The following MTMR7 variants were observed in gnomAD, a reference collection of about 807,000 sequenced individuals.
MTMR7 encodes phosphatidylinositol-3-phosphate phosphatase MTMR7.
In MTMR7, 76 loss-of-function variants were observed where a neutral mutation model predicts 81.2. That is an observed-to-expected ratio of 0.94 (90% CI 0.78 to 1.13). The LOEUF (loss-of-function observed/expected upper bound fraction) is 1.13, where lower values mean the gene tolerates loss of function less well. MTMR7 is among the 50% of genes most tolerant of loss of function. The probability of loss-of-function intolerance (pLI) is 0.00; values close to 1 mark genes in which losing one functional copy is unlikely to be tolerated. For missense variants in MTMR7, 1,044 were observed against 820.0 expected, an observed-to-expected ratio of 1.27 and a Z score of -3.34; for synonymous variants, 372 against 289.8, an observed-to-expected ratio of 1.28 and a Z score of -2.88.
intron 3 of MTMR7, 75 bp downstream of exon 3, chr8:17,370,962 C>A: frequency 1.4e-6 from 2 of 1,460,046 alleles, no homozygotes; most frequent in South Asian, 1.3e-5. Flanking sequence ...TCCTAAGCAC[C>A]ATACAAATTC....
At chr8:17,402,929 A>G (rs1228389833) in intron 1 of MTMR7, among the ~76,000 whole-genome samples, 2 of 152,180 alleles carry the variant, frequency 1.3e-5, no homozygotes, top group Non-Finnish European at 2.9e-5. Context: ...TCTTCTGGAT[A>G]AAAGCCATTT....
intron 7 of MTMR7, among the ~76,000 whole-genome samples, chr8:17,325,779 C>T (rs2150519304): frequency 6.6e-6 from 1 of 152,304 alleles, no homozygotes; most frequent in East Asian, 1.9e-4. Context: ...TGAAACTGTG[C>T]TCTTACTTCA....
chr8:17,409,938 A>T (rs530508358), intron 1 of MTMR7, among the ~76,000 whole-genome samples: 1 of 152,318 alleles, frequency 6.6e-6, no homozygotes, highest in East Asian at 1.9e-4. Flanking sequence ...TGTGGATAAG[A>T]AGATGATTGT....
chr8:17,407,210 CA>C (rs1821612975), intron 1 of MTMR7, among the ~76,000 whole-genome samples: 1 of 151,758 alleles, frequency 6.6e-6, no homozygotes, highest in South Asian at 2.1e-4. Flanking sequence ...ATAGATAATT[CA>C]AAAAGTAACA....
chr8:17,296,971 A>G lies in MTMR7; in HGVS notation c.*2891T>C, dbSNP rs539243954. 6.6e-6 allele frequency: 1 copy of G among 152,316 alleles called. No individual in the cohort carries two copies. The highest frequency in any genetic ancestry group is 1.9e-4 in the East Asian group (1 of 5,180). 9.4% of individuals were successfully genotyped at this position (152,316 alleles called of 1,614,324 possible). A position where few individuals can be genotyped will look rare whatever the true frequency, so the allele number is the denominator to read the frequency against. The stretch of plus-strand genomic sequence containing the variant: ...AAGGTTATGTATGTCACCCACGATG[A>G]AAAGAATCTGCATTTGAATATGCCC... On this transcript the variant is annotated 3_prime_UTR_variant, in exon 14 of 14. Coordinates refer to ENST00000180173, the MANE Select transcript of MTMR7 (RefSeq NM_004686.5).
chr8:17,341,272 C>T, intron 6 of MTMR7, 91 bp downstream of exon 6: 1 of 1,526,788 alleles, frequency 6.5e-7, no homozygotes, highest in Admixed American at 1.8e-5. Context: ...GATGAAGCAA[C>T]CTGCACAAGA....
intron 1 of MTMR7, among the ~76,000 whole-genome samples, chr8:17,408,500 A>T (rs938111576): frequency 6.6e-6 from 1 of 152,176 alleles, no homozygotes; most frequent in South Asian, 2.1e-4. Flanking sequence ...GATGAAGGAC[A>T]AACTTATCAA....
Position 17,297,493 on chromosome 8 carries a change from A to C in MTMR7, c.*2369T>G. 6.6e-6 allele frequency: 1 copy of C among 152,084 alleles called. No homozygotes were observed. Among genetic ancestry groups the C allele is most frequent in the Non-Finnish European group, 1.5e-5 (1 of 67,944 alleles). The allele number at this position is 152,084 out of a possible 1,614,324, so 9.4% of individuals were successfully genotyped here. A position where few individuals can be genotyped will look rare whatever the true frequency, so the allele number is the denominator to read the frequency against. On this transcript the variant is annotated 3_prime_UTR_variant, in exon 14 of 14. Transcript: ENST00000180173. ...TATTCTATGGTTTCTGTCTCTGATC[A>C]TCACCTTCCATTCTATAAAAAGCTC... is the stretch of plus-strand genomic sequence containing the variant.
At chr8:17,334,123 G>C (rs542447331) in intron 6 of MTMR7, among the ~76,000 whole-genome samples, 1 of 152,284 alleles carries the variant, frequency 6.6e-6, no homozygotes, top group East Asian at 1.9e-4. Context: ...ACATCAATGT[G>C]CACTTCTCAG....
chr8:17,337,123 G>A (rs534791427), intron 6 of MTMR7, among the ~76,000 whole-genome samples: 2 of 152,236 alleles, frequency 1.3e-5, no homozygotes, highest in South Asian at 4.1e-4. Flanking sequence ...TGTAATCCTA[G>A]CACTTTGGGA....
At chr8:17,337,215 A>T (rs1189479085) in intron 6 of MTMR7, among the ~76,000 whole-genome samples, 1 of 152,014 alleles carries the variant, frequency 6.6e-6, no homozygotes, top group Non-Finnish European at 1.5e-5. Flanking sequence ...ATACAAAAAA[A>T]TTAGCCGGGC....
chr8:17,367,730 G>A (rs1820272390), intron 3 of MTMR7, among the ~76,000 whole-genome samples: 1 of 152,162 alleles, frequency 6.6e-6, no homozygotes, highest in Non-Finnish European at 1.5e-5. Flanking sequence ...GAATTCAGCA[G>A]AATGTCTGAA....
chr8:17,366,885 C>CAAAAAAA (rs1277882494), intron 3 of MTMR7, among the ~76,000 whole-genome samples: 7 of 88,190 alleles, frequency 7.9e-5, no homozygotes, highest in African/African-American at 3.5e-4. Context: ...GACTCCATCT[C>CAAAAAAA]AAAAAAAAAA....
chr8:17,375,479 TG>T (rs1326996782), intron 1 of MTMR7, among the ~76,000 whole-genome samples: 4 of 135,852 alleles, frequency 2.9e-5, no homozygotes, highest in East Asian at 3.3e-4. Context: ...TACTAGCTTA[TG>T]TTTTTTTTTT....
chr8:17,370,284 G>A (rs1471652292), intron 3 of MTMR7, among the ~76,000 whole-genome samples: 1 of 151,922 alleles, frequency 6.6e-6, no homozygotes, highest in Admixed American at 6.6e-5. Context: ...AGCACTTGAG[G>A]CCGAGGCAGG....
At chr8:17,387,123 G>C (rs913093929) in intron 1 of MTMR7, among the ~76,000 whole-genome samples, 1 of 152,172 alleles carries the variant, frequency 6.6e-6, no homozygotes, top group African/African-American at 2.4e-5. Flanking sequence ...TCATATGATA[G>C]ATATCACTGA....
At chr8:17,390,629 G>A (rs1320389714) in intron 1 of MTMR7, among the ~76,000 whole-genome samples, 1 of 151,978 alleles carries the variant, frequency 6.6e-6, no homozygotes, top group Admixed American at 6.6e-5. Context: ...ACCCAAGACT[G>A]GGTAATTTAT....
intron 7 of MTMR7, among the ~76,000 whole-genome samples, chr8:17,314,068 C>T (rs1346286717): frequency 6.6e-6 from 1 of 152,270 alleles, no homozygotes; most frequent in African/African-American, 2.4e-5. Context: ...ACAACTAAGG[C>T]AGGTGTATAA....
intron 7 of MTMR7, among the ~76,000 whole-genome samples, chr8:17,319,053 T>G (rs1818250205): frequency 6.6e-6 from 1 of 152,250 alleles, no homozygotes; most frequent in African/African-American, 2.4e-5. Context: ...GAGGGCCTCC[T>G]TGTTTAACTT....
Sources: allele counts gnomAD v4.1 joint callset (sites outside exome capture counted in the v4.1 genomes callset), GRCh38; gene constraint gnomAD v4.1.1; transcripts MANE v1.5; gene names NCBI Gene and HGNC (gene_info 2026-07-23, HGNC 2026-07-21).